Variants in ELK4 observed in about 807,000 individuals in gnomAD.
ELK4 encodes the protein ETS transcription factor ELK4.
ELK4 carries 16 observed loss-of-function variants against 29.6 expected under a neutral mutation model. That is an observed-to-expected ratio of 0.54 (90% confidence interval 0.37 to 0.82). ELK4 has a LOEUF of 0.82. Among genes scored for constraint, ELK4 ranks in the 40% least tolerant of loss-of-function variants. ELK4 has a pLI of 0.00. For synonymous variants in ELK4, 213 were observed against 191.1 expected, an observed-to-expected ratio of 1.11 and a Z score of -0.95; for missense variants, 465 against 507.1, an observed-to-expected ratio of 0.92 and a Z score of 0.80.
In ELK4 at chr1:205,610,760, AAC is replaced by A. The variant is rs201245344; in HGVS notation, c.*5784_*5785del. On this transcript the variant is annotated 3_prime_UTR_variant, in exon 5 of 5. Transcript: ENST00000357992. ...GCCATCAATGTATGTTCCCTATGAA[AAC>A]AGATTTACACGCGCACACACACACA... 6,195 of 231,912 alleles carry A rather than the reference AAC, an allele frequency of 0.027. 124 individuals are homozygous for A. The highest frequency in any genetic ancestry group is 0.054 in the African/African-American group (2,445 of 44,940). 14.4% of individuals were successfully genotyped at this position (231,912 alleles called of 1,614,324 possible).
At position 205,619,464 on chromosome 1, in the gene ELK4, C is replaced by A. The variant is rs558696989; in HGVS notation, c.1081-391G>T. On this transcript the variant is annotated intron_variant, in intron 3 of 4. Coordinates refer to ENST00000357992, the MANE Select transcript of ELK4 (RefSeq NM_001973.4). ...GAGGAATAATGGGTAACCAAGACAC[C>A]AGCATGTTTGTTTTTTTTTAATAAT... The A allele has an allele frequency of 1.8e-5, 19 of 1,065,882 alleles. No homozygotes were observed. The South Asian group carries it at 7.1e-4, about 40-fold the overall frequency. 66.0% of individuals were successfully genotyped at this position (1,065,882 alleles called of 1,614,324 possible). A position where few individuals can be genotyped will look rare whatever the true frequency, so the allele number is the denominator to read the frequency against.
chr1:205,619,105 C>CT (rs1171238609), intron 3 of ELK4, 32 bp from the exon 4 acceptor site: 5 of 1,479,934 alleles, frequency 3.4e-6, no homozygotes, highest in Non-Finnish European at 4.6e-6. Flanking sequence ...TATTCACTGA[C>CT]TGACTTACCA....
rs1670230048 is a variant in ELK4, at chr1:205,616,243, T to A, written c.*303A>T. 1 of 295,420 alleles carries A rather than the reference T, an allele frequency of 3.4e-6. No homozygotes were observed. Among genetic ancestry groups the A allele is most frequent in the African/African-American group, 2.1e-5 (1 of 47,896 alleles). 18.3% of individuals were successfully genotyped at this position (295,420 alleles called of 1,614,324 possible). Reference sequence around the variant, plus strand: ...ACAGTCACTAAAGCCCACCAAAAACTTCTTCAGCACAAAGCTCAAAATATT... The same window carrying A: ...ACAGTCACTAAAGCCCACCAAAAACATCTTCAGCACAAAGCTCAAAATATT... On this transcript the variant is annotated 3_prime_UTR_variant, in exon 5 of 5. Transcript: ENST00000357992.
rs567036153 is a variant in ELK4, at chr1:205,608,595, T to C, written c.*7951A>G. ...AAAAAAAAAAGGTGCTTTTAATACT[T>C]TGAAGGTGCTTTTTAGGTCTCCCTA... On this transcript the variant is annotated 3_prime_UTR_variant, in exon 5 of 5. Transcript: ENST00000357992. The C allele has an allele frequency of 1.3e-3, 260 of 197,670 alleles. No individual in the cohort carries two copies. The highest frequency in any genetic ancestry group is 5.7e-3 in the African/African-American group (249 of 43,468). The allele number at this position is 197,670 out of a possible 1,614,324, so 12.2% of individuals were successfully genotyped here.
chr1:205,615,382 C>A lies in ELK4; in HGVS notation c.*1164G>T, dbSNP rs1670215153. 2.6e-5 allele frequency: 3 copies of A among 113,238 alleles called. No homozygotes were observed. The highest frequency in any genetic ancestry group is 1.2e-4 in the Admixed American group (1 of 8,386). 7.0% of individuals were successfully genotyped at this position (113,238 alleles called of 1,614,324 possible). ...CTCCAGCCTGGGTGATAGAGCAAGA[C>A]TCTGTCTCAAAAAAAAAAAAAAAAA... On this transcript the variant is annotated 3_prime_UTR_variant, in exon 5 of 5. Coordinates refer to ENST00000357992, the MANE Select transcript of ELK4 (RefSeq NM_001973.4).
chr1:205,624,596 C>T lies in ELK4; in HGVS notation c.-9-705G>A, dbSNP rs145917683. 4.7e-3 allele frequency among the ~76,000 whole-genome samples: 717 copies of T among 152,300 alleles called. 8 individuals are homozygous for T. Among genetic ancestry groups the T allele is most frequent in the African/African-American group, 0.016 (679 of 41,562 alleles). On this transcript the variant is annotated intron_variant, in intron 1 of 4. Transcript: ENST00000357992. ...AGCAATCTTTATGTGATTATCAAGG[C>T]ATGGATTGAAGAAAAATATTTTAAT...
At chr1:205,621,357 T>G (rs1670347053) in intron 2 of ELK4, among the ~76,000 whole-genome samples, 1 of 152,160 alleles carries the variant, frequency 6.6e-6, no homozygotes, top group African/African-American at 2.4e-5. Context: ...AACATTTAAA[T>G]GTCTTATTAA....
At chr1:205,624,531 T>C (rs2102382691) in intron 1 of ELK4, among the ~76,000 whole-genome samples, 1 of 152,368 alleles carries the variant, frequency 6.6e-6, no homozygotes, top group African/African-American at 2.4e-5. Context: ...GTCACTGTTC[T>C]GTCCACAGTG....
chr1:205,629,081 G>C (rs1670521508), intron 1 of ELK4, among the ~76,000 whole-genome samples: 1 of 149,420 alleles, frequency 6.7e-6, no homozygotes, highest in Admixed American at 6.8e-5. Flanking sequence ...GGCTGAGGCA[G>C]AATGGCGTGA....
intron 4 of ELK4, 72 bp from the exon 5 acceptor site, chr1:205,616,716 T>C (rs1670236832): frequency 7.5e-7 from 1 of 1,325,698 alleles, no homozygotes; most frequent in Admixed American, 1.9e-5. Flanking sequence ...CCTACTCTAT[T>C]ACCTGAGGCA....
At chr1:205,628,472 G>C (rs907035129) in intron 1 of ELK4, among the ~76,000 whole-genome samples, 2 of 152,204 alleles carry the variant, frequency 1.3e-5, no homozygotes, top group Admixed American at 6.5e-5. Flanking sequence ...ATGAAGGAAA[G>C]ACAGAGAATG....
intron 1 of ELK4, 80 bp from the exon 2 acceptor site, chr1:205,623,971 G>C: frequency 7.7e-7 from 1 of 1,294,922 alleles, no homozygotes; most frequent in African/African-American, 1.5e-5. Context: ...ACTGTTTTAA[G>C]TGCTCTAAAT....
chr1:205,627,886 G>A (rs187470573), intron 1 of ELK4, among the ~76,000 whole-genome samples: 78 of 152,274 alleles, frequency 5.1e-4, no homozygotes, highest in African/African-American at 1.9e-3. Flanking sequence ...TAAAAGTAAC[G>A]ATGGGAAAAT....
intron 2 of ELK4, 107 bp downstream of exon 2, chr1:205,623,569 C>A (rs1380926577): frequency 3.2e-6 from 4 of 1,263,632 alleles, no homozygotes; most frequent in Middle Eastern, 2.7e-4. Flanking sequence ...CCCTCCTTGG[C>A]CTCCCAAAGT....
Position 205,611,717 on chromosome 1 carries a change from T to G in ELK4, c.*4829A>C, listed in dbSNP as rs1231482095. On this transcript the variant is annotated 3_prime_UTR_variant, in exon 5 of 5. Transcript: ENST00000357992. ...ATGAGTAGTATTTTAACTTTCCTAT[T>G]GGTTTGGTAATTCATTTAGAGCCCC... 1 of 191,932 alleles carries G rather than the reference T, an allele frequency of 5.2e-6. No homozygotes were observed. Among genetic ancestry groups the G allele is most frequent in the Non-Finnish European group, 1.1e-5 (1 of 91,690 alleles). The allele number at this position is 191,932 out of a possible 1,614,324, so 11.9% of individuals were successfully genotyped here.
chr1:205,626,215 G>GTAAAA, intron 1 of ELK4: 1 of 560,706 alleles, frequency 1.8e-6, no homozygotes, highest in South Asian at 1.7e-5. Context: ...TCCCTTTCTT[G>GTAAAA]ACCTCCTCCT....
In ELK4 at chr1:205,620,144, T is replaced by G. The variant is rs1303095116; in HGVS notation, c.902A>C (p.Lys301Thr). Residue 301 changes from lysine (K) to threonine (T), a missense_variant, in exon 3 of 5, where the codon AAA becomes ACA. Transcript: ENST00000357992. ...ELPENLSLEP[K>T]DQDSVLLEKD... is the part of the protein sequence containing the mutation. ...TTCTAGCAAGACTGAATCCTGGTCT[T>G]TAGGCTCCAGTGACAAATTCTCTGG... 16 of 1,614,104 alleles carry G rather than the reference T, an allele frequency of 9.9e-6. No individual in the cohort carries two copies. The highest frequency in any genetic ancestry group is 1.3e-5 in the African/African-American group (1 of 74,922).
rs4951015 is a variant in ELK4 at position 205,619,687 on chromosome 1, C to T, written c.1080+279G>A. On this transcript the variant is annotated intron_variant, in intron 3 of 4. Transcript: ENST00000357992. ...CGAGTTTTATAAGACCGAGAGAGAG[C>T]GAGAGAGTGTGTGTACTTTCTTTAG... The T allele has an allele frequency of 8.5e-6, 12 of 1,412,812 alleles. No homozygotes were observed. In the East Asian group the frequency reaches 1.0e-4, roughly 12 times the overall value. The allele number at this position is 1,412,812 out of a possible 1,614,324, so 87.5% of individuals were successfully genotyped here. A position where few individuals can be genotyped will look rare whatever the true frequency, so the allele number is the denominator to read the frequency against.
intron 1 of ELK4, among the ~76,000 whole-genome samples, chr1:205,629,138 T>G (rs1159235446): frequency 7.9e-6 from 1 of 126,562 alleles, no homozygotes; most frequent in Admixed American, 1.0e-4. Flanking sequence ...GCCACTGCAC[T>G]CCAGCCTGGG....
Sources: allele counts gnomAD v4.1 joint callset (sites outside exome capture counted in the v4.1 genomes callset), GRCh38; gene constraint gnomAD v4.1.1; transcripts MANE v1.5; gene names NCBI Gene and HGNC (gene_info 2026-07-23, HGNC 2026-07-21).